The following TMEM117 variants were observed in gnomAD, a reference collection of about 807,000 sequenced individuals.
The protein encoded by TMEM117 is transmembrane protein 117.
In TMEM117, 27 loss-of-function variants were observed where a neutral mutation model predicts 52.4. The ratio of observed to expected loss-of-function variants is 0.51; its 90% CI spans 0.38 to 0.71. The LOEUF is 0.71. Among genes scored for constraint, TMEM117 ranks in the 30% least tolerant of loss-of-function variants. TMEM117 has a pLI of 0.00. For missense variants in TMEM117, 556 were observed against 630.5 expected (o/e 0.88, Z 1.26); for synonymous variants, 215 against 206.3 (o/e 1.04, Z -0.36).
chr12:44,162,939 C>T (rs1948917209), intron 4 of TMEM117, among the ~76,000 whole-genome samples: 1 of 152,158 alleles, frequency 6.6e-6, no homozygotes, highest in Non-Finnish European at 1.5e-5. Context: ...TTTGACTGGT[C>T]ACCAACATTG....
At chr12:44,244,027 G>A (rs536281668) in intron 5 of TMEM117, among the ~76,000 whole-genome samples, 4 of 151,928 alleles carry the variant, frequency 2.6e-5, no homozygotes, top group African/African-American at 7.2e-5. Flanking sequence ...TTCATCCATC[G>A]ATGGGCACTT....
chr12:44,314,776 A>T (rs1202005099), intron 6 of TMEM117, among the ~76,000 whole-genome samples: 1 of 152,076 alleles, frequency 6.6e-6, no homozygotes, highest in Non-Finnish European at 1.5e-5. Context: ...GCTTCATAGT[A>T]TGAGTTAGGC....
At chr12:44,017,247 G>T (rs1016433397) in intron 3 of TMEM117, among the ~76,000 whole-genome samples, 2 of 151,360 alleles carry the variant, frequency 1.3e-5, no homozygotes, top group East Asian at 3.9e-4. Flanking sequence ...GTGTGTGTGT[G>T]TGTGTTTTAG....
chr12:44,368,161 A>G (rs1226926984), intron 6 of TMEM117, among the ~76,000 whole-genome samples: 1 of 152,090 alleles, frequency 6.6e-6, no homozygotes. Context: ...TACTCCACAC[A>G]AAGGTCATCT....
chr12:43,972,820 C>A (rs1945613213), intron 3 of TMEM117, among the ~76,000 whole-genome samples: 2 of 152,168 alleles, frequency 1.3e-5, no homozygotes, highest in Non-Finnish European at 2.9e-5. Flanking sequence ...GTACATTTTA[C>A]AAACCTCTTG....
At chr12:44,230,754 TG>T (rs1207242528) in intron 5 of TMEM117, among the ~76,000 whole-genome samples, 1 of 152,002 alleles carries the variant, frequency 6.6e-6, no homozygotes, top group Non-Finnish European at 1.5e-5. Context: ...TCTTTTTTCT[TG>T]GGCCTTTAGC....
intron 3 of TMEM117, among the ~76,000 whole-genome samples, chr12:43,982,878 C>G (rs1016572302): frequency 6.6e-6 from 1 of 152,200 alleles, no homozygotes; most frequent in Non-Finnish European, 1.5e-5. Context: ...TTGACCCCTT[C>G]CATATGCTAC....
At chr12:44,383,007 A>G (rs1745170682) in intron 7 of TMEM117, among the ~76,000 whole-genome samples, 1 of 152,144 alleles carries the variant, frequency 6.6e-6, no homozygotes, top group African/African-American at 2.4e-5. Flanking sequence ...AGCAAATTGC[A>G]TATTTCTTTT....
intron 5 of TMEM117, among the ~76,000 whole-genome samples, chr12:44,275,075 A>G (rs1000559709): frequency 2.0e-5 from 3 of 152,160 alleles, no homozygotes; most frequent in Non-Finnish European, 4.4e-5. Context: ...ACTAGAATAT[A>G]TAAGGAGTTC....
At chr12:43,987,172 T>C (rs535426580) in intron 3 of TMEM117, among the ~76,000 whole-genome samples, 1 of 152,176 alleles carries the variant, frequency 6.6e-6, no homozygotes, top group South Asian at 2.1e-4. Flanking sequence ...CAAGCACACA[T>C]AGAGAGAAGA....
At chr12:44,276,129 C>G (rs1950508522) in intron 5 of TMEM117, among the ~76,000 whole-genome samples, 1 of 152,086 alleles carries the variant, frequency 6.6e-6, no homozygotes, top group South Asian at 2.1e-4. Context: ...AGCAATCCCT[C>G]TACTGGGTAT....
chr12:44,089,940 G>T (rs1947634899), intron 3 of TMEM117, among the ~76,000 whole-genome samples: 1 of 152,084 alleles, frequency 6.6e-6, no homozygotes, highest in Admixed American at 6.6e-5. Flanking sequence ...TAACAAAGGA[G>T]CTATATTTTG....
intron 4 of TMEM117, among the ~76,000 whole-genome samples, chr12:44,208,681 G>A (rs1055410064): frequency 6.7e-6 from 1 of 149,238 alleles, no homozygotes; most frequent in Non-Finnish European, 1.5e-5. Flanking sequence ...TAAAGAGTTC[G>A]AGCTGGAGGT....
chr12:44,125,353 C>T (rs569635130), intron 3 of TMEM117, among the ~76,000 whole-genome samples: 11 of 152,148 alleles, frequency 7.2e-5, no homozygotes, highest in Admixed American at 5.2e-4. Context: ...GTGATCTGCC[C>T]GCCTCGGCCT....
rs1308079198 is a variant in TMEM117, at chr12:43,911,683, A to G, written c.278-32527A>G. 5.8e-4 allele frequency among the ~76,000 whole-genome samples: 84 copies of G among 143,942 alleles called. No individual in the cohort carries two copies. In the East Asian group the frequency reaches 0.012, roughly 20 times the overall value. 94.4% of individuals were successfully genotyped at this position (143,942 alleles called of 152,430 possible). ...CAAACAACCCCATCAAAAAGTGGGCAAAGGACATGAACAGACACTTCTCAA... is the reference window on the plus strand; with the variant it reads ...CAAACAACCCCATCAAAAAGTGGGCGAAGGACATGAACAGACACTTCTCAA... On this transcript the variant is annotated intron_variant, in intron 2 of 7. Transcript: ENST00000266534.
chr12:43,830,583 C>T, the TMEM117 span, among the ~76,000 whole-genome samples: 1 of 149,868 alleles, frequency 6.7e-6, no homozygotes, highest in South Asian at 2.1e-4. Flanking sequence ...GCACTCCAGC[C>T]TGGGCAACAG....
intron 6 of TMEM117, among the ~76,000 whole-genome samples, chr12:44,326,102 G>A (rs1244876799): frequency 1.3e-5 from 2 of 152,142 alleles, no homozygotes; most frequent in African/African-American, 4.8e-5. Context: ...GGCAGAGGTT[G>A]CAGTGAGCCA....
Position 44,114,154 on chromosome 12 carries a change from T to A in TMEM117, c.411-29371T>A, listed in dbSNP as rs557171318. 7.2e-3 allele frequency among the ~76,000 whole-genome samples: 1,097 copies of A among 151,606 alleles called. 16 individuals carry two copies. The highest frequency in any genetic ancestry group is 0.025 in the African/African-American group (1,026 of 41,226). ...CCCGGTACCTCAGATGGAAATGCAG[T>A]AATCACCCGTCTTCTGCGTCGCTCA... On this transcript the variant is annotated intron_variant, in intron 3 of 7. Transcript: ENST00000266534.
intron 3 of TMEM117, among the ~76,000 whole-genome samples, chr12:43,994,926 A>T (rs1274346054): frequency 6.6e-6 from 1 of 152,152 alleles, no homozygotes; most frequent in Non-Finnish European, 1.5e-5. Context: ...TCCAACAGCA[A>T]TCTTATATGT....
Sources: gnomAD v4.1 joint callset for allele counts (sites outside exome capture counted in the v4.1 genomes callset) on GRCh38, gnomAD v4.1.1 for gene constraint, MANE v1.5 for transcripts, NCBI Gene and HGNC (gene_info 2026-07-23, HGNC 2026-07-21) for gene names.